TMEM163: variants seen among roughly 807,000 people sequenced by gnomAD.
TMEM163 encodes the protein transmembrane protein 163.
Under a neutral mutation model 29.3 loss-of-function variants are expected in TMEM163, and 17 were observed. That is an observed-to-expected ratio of 0.58 (90% confidence interval 0.40 to 0.87). The LOEUF (loss-of-function observed/expected upper bound fraction) is 0.87. TMEM163 is among the 40% of genes least tolerant of loss of function. TMEM163 has a pLI of 0.00. For missense variants in TMEM163, 303 were observed against 381.5 expected (o/e 0.79, Z 1.71); for synonymous variants, 157 against 160.6 (o/e 0.98, Z 0.17).
intron 6 of TMEM163, among the ~76,000 whole-genome samples, chr2:134,463,793 G>A (rs942534747): frequency 1.4e-4 from 22 of 152,182 alleles, no homozygotes; most frequent in Admixed American, 1.0e-3. Flanking sequence ...CAGCCAGTGC[G>A]GCACCTAACA....
intron 2 of TMEM163, among the ~76,000 whole-genome samples, chr2:134,674,503 GCGCGCGCTACCATATC>G (rs1470631495): frequency 3.3e-5 from 3 of 90,360 alleles, no homozygotes; most frequent in South Asian, 2.7e-4. Context: ...GCGCGCGCGC[GCGCGCGCTACCATATC>G]TGGCTAATTT....
At position 134,493,362 on chromosome 2, in the gene TMEM163, C is replaced by CTTTTTTTTTTTTTTT. The variant is rs1159013721; in HGVS notation, c.555+9524_555+9538dup. Among the ~76,000 whole-genome samples, 12 of 49,850 alleles carry CTTTTTTTTTTTTTTT rather than the reference C, an allele frequency of 2.4e-4. 4 individuals carry two copies. The highest frequency in any genetic ancestry group is 8.0e-4 in the African/African-American group (9 of 11,232). 32.7% of individuals were successfully genotyped at this position (49,850 alleles called of 152,430 possible). ...GACTTATGGTTCAAGCTTTTGGTGT[C>CTTTTTTTTTTTTTTT]TTTTTTTTTTTTTTTTTTTTTTTTT... On this transcript the variant is annotated intron_variant, in intron 5 of 7. Coordinates refer to ENST00000281924, the MANE Select transcript of TMEM163 (RefSeq NM_030923.5).
intron 4 of TMEM163, among the ~76,000 whole-genome samples, chr2:134,535,737 GTTTT>G (rs764860923): frequency 7.2e-5 from 10 of 138,454 alleles, no homozygotes; most frequent in African/African-American, 2.6e-4. Flanking sequence ...TTGTTTGTTT[GTTTT>G]TTTTGAGGCC....
At chr2:134,636,508 T>C (rs957390580) in intron 2 of TMEM163, among the ~76,000 whole-genome samples, 3 of 152,212 alleles carry the variant, frequency 2.0e-5, no homozygotes, top group African/African-American at 7.2e-5. Context: ...TCATCTTGCT[T>C]CTAACCTCCA....
intron 2 of TMEM163, among the ~76,000 whole-genome samples, chr2:134,559,465 T>A (rs1681119371): frequency 6.6e-6 from 1 of 152,210 alleles, no homozygotes; most frequent in East Asian, 1.9e-4. Flanking sequence ...AAACCATTAT[T>A]TGAGAGCTCT....
At chr2:134,567,874 T>A (rs1681331509) in intron 2 of TMEM163, among the ~76,000 whole-genome samples, 1 of 152,176 alleles carries the variant, frequency 6.6e-6, no homozygotes, top group South Asian at 2.1e-4. Context: ...GGACAAGCCC[T>A]GGGCAGATAC....
rs750955242 is a variant in TMEM163 at position 134,466,229 on chromosome 2, C to T, written c.556-4G>A. On this transcript the variant is annotated splice_region_variant and splice_polypyrimidine_tract_variant and intron_variant, in intron 5 of 7. Coordinates refer to ENST00000281924, the MANE Select transcript of TMEM163 (RefSeq NM_030923.5). ...AGACACTGAACAGGAAATCGTCCTG[C>T]AAGAGAAAGTTCCAGATTTCAACAG... is the stretch of plus-strand genomic sequence containing the variant. 2 of 1,611,422 alleles carry T rather than the reference C, an allele frequency of 1.2e-6. No individual in the cohort carries two copies. Among genetic ancestry groups the T allele is most frequent in the African/African-American group, 1.3e-5 (1 of 75,016 alleles).
At chr2:134,609,393 G>A (rs1176310596) in intron 2 of TMEM163, among the ~76,000 whole-genome samples, 71 of 45,930 alleles carry the variant, frequency 1.5e-3, no homozygotes, top group African/African-American at 6.5e-3. Context: ...GACAGACCCC[G>A]AGAACTGTAC....
chr2:134,676,216 A>C (rs1327063231), intron 2 of TMEM163, among the ~76,000 whole-genome samples: 1 of 152,222 alleles, frequency 6.6e-6, no homozygotes, highest in Non-Finnish European at 1.5e-5. Context: ...CTTGACGTCA[A>C]TTAGCTTGCA....
At chr2:134,688,288 TC>T (rs1172343013) in intron 2 of TMEM163, among the ~76,000 whole-genome samples, 1 of 151,948 alleles carries the variant, frequency 6.6e-6, no homozygotes, top group Non-Finnish European at 1.5e-5. Context: ...CTGCTTCCCC[TC>T]CCACCAAGAC....
chr2:134,569,345 C>A (rs957086600), intron 2 of TMEM163, among the ~76,000 whole-genome samples: 1 of 152,134 alleles, frequency 6.6e-6, no homozygotes, highest in African/African-American at 2.4e-5. Flanking sequence ...GGTTTAAGCC[C>A]TAAGGGACCA....
At chr2:134,601,565 G>T (rs7566004) in intron 2 of TMEM163, among the ~76,000 whole-genome samples, 1 of 152,234 alleles carries the variant, frequency 6.6e-6, no homozygotes, top group Non-Finnish European at 1.5e-5. Context: ...CTGGACCACA[G>T]CTGTGTTCCT....
chr2:134,568,613 A>T (rs539964695), intron 2 of TMEM163, among the ~76,000 whole-genome samples: 1 of 151,542 alleles, frequency 6.6e-6, no homozygotes, highest in Non-Finnish European at 1.5e-5. Flanking sequence ...AGAAAGAAGG[A>T]AAAGAAAGAA....
At chr2:134,685,208 T>A (rs1248785149) in intron 2 of TMEM163, among the ~76,000 whole-genome samples, 2 of 152,226 alleles carry the variant, frequency 1.3e-5, no homozygotes, top group Non-Finnish European at 2.9e-5. Flanking sequence ...ACTCATTGCA[T>A]CTTAAAGATG....
intron 4 of TMEM163, among the ~76,000 whole-genome samples, chr2:134,535,060 CTCAATT>C (rs1437198703): frequency 6.6e-6 from 1 of 152,184 alleles, no homozygotes; most frequent in Non-Finnish European, 1.5e-5. Context: ...TGGAAAAGTA[CTCAATT>C]TCAGATTCTA....
chr2:134,679,788 CCTT>C (rs1354649022), intron 2 of TMEM163, among the ~76,000 whole-genome samples: 1 of 152,122 alleles, frequency 6.6e-6, no homozygotes. Flanking sequence ...ACATCCCAGA[CCTT>C]CGTCGCCAGC....
In TMEM163 at chr2:134,567,415, G is replaced by A. The variant is rs145727895; in HGVS notation, c.323-15324C>T. 3.6e-3 allele frequency among the ~76,000 whole-genome samples: 541 copies of A among 152,272 alleles called. 3 individuals carry two copies. The highest frequency in any genetic ancestry group is 6.1e-3 in the Non-Finnish European group (418 of 68,026). The stretch of plus-strand genomic sequence containing the variant: ...TCACAAAATAAAGAGTCAGGAGCTG[G>A]GCGTGGTGACTCACACCAGTAATTC... On this transcript the variant is annotated intron_variant, in intron 2 of 7. Transcript: ENST00000281924.
At chr2:134,595,455 G>C (rs965840550) in intron 2 of TMEM163, among the ~76,000 whole-genome samples, 1 of 152,066 alleles carries the variant, frequency 6.6e-6, no homozygotes, top group Non-Finnish European at 1.5e-5. Context: ...TCATCATTTT[G>C]TATGGCTGCA....
intron 2 of TMEM163, among the ~76,000 whole-genome samples, chr2:134,663,190 A>C (rs1351121246): frequency 2.6e-5 from 4 of 152,258 alleles, no homozygotes; most frequent in African/African-American, 9.6e-5. Flanking sequence ...TGATGGCCAG[A>C]GTTCCCTTCC....
Sources: allele counts gnomAD v4.1 joint callset (sites outside exome capture counted in the v4.1 genomes callset), GRCh38; gene constraint gnomAD v4.1.1; transcripts MANE v1.5; gene names NCBI Gene and HGNC (gene_info 2026-07-23, HGNC 2026-07-21).